The following POU6F2 variants were observed in gnomAD, a reference collection of about 807,000 sequenced individuals.
The protein encoded by POU6F2 is POU class 6 homeobox 2, also known as POU domain, class 6, transcription factor 2.
In POU6F2, 31 loss-of-function variants were observed where a neutral mutation model predicts 71.3. That is an observed-to-expected ratio of 0.43 (90% CI 0.33 to 0.59). POU6F2 has a LOEUF of 0.59. Among genes scored for constraint, POU6F2 ranks in the 20% least tolerant of loss-of-function variants. The pLI is 0.04. For missense variants in POU6F2, 783 were observed against 856.8 expected (o/e 0.91, Z 1.07); for synonymous variants, 347 against 355.7 (o/e 0.98, Z 0.27).
intron 1 of POU6F2, 171 bp from the exon 2 acceptor site, chr7:39,085,689 G>T: frequency 3.2e-6 from 2 of 623,744 alleles, no homozygotes; most frequent in South Asian, 1.9e-5. Flanking sequence ...CTCTTCACTT[G>T]ACTGCAGCCA....
chr7:39,316,656 T>A (rs1349678566), intron 4 of POU6F2, among the ~76,000 whole-genome samples: 1 of 152,186 alleles, frequency 6.6e-6, no homozygotes, highest in Non-Finnish European at 1.5e-5. Flanking sequence ...TAGCTCACAG[T>A]CCTCTGTGTA....
At chr7:39,000,143 A>C (rs1788859604) in intron 1 of POU6F2, among the ~76,000 whole-genome samples, 1 of 152,144 alleles carries the variant, frequency 6.6e-6, no homozygotes, top group Non-Finnish European at 1.5e-5. Flanking sequence ...AGGGTAACTC[A>C]AGTGGAGTTA....
intron 1 of POU6F2, among the ~76,000 whole-genome samples, chr7:38,990,534 GGA>G (rs1310127028): frequency 6.6e-6 from 1 of 152,078 alleles, no homozygotes; most frequent in Non-Finnish European, 1.5e-5. Context: ...CAGACCTCAT[GGA>G]TATATGGTTA....
chr7:39,276,734 G>T (rs1394813230), intron 4 of POU6F2, among the ~76,000 whole-genome samples: 1 of 151,902 alleles, frequency 6.6e-6, no homozygotes, highest in Non-Finnish European at 1.5e-5. Flanking sequence ...AAAAAATGAT[G>T]AGTTCATGTC....
intron 1 of POU6F2, among the ~76,000 whole-genome samples, chr7:38,981,585 G>A (rs1788317590): frequency 6.6e-6 from 1 of 152,176 alleles, no homozygotes; most frequent in South Asian, 2.1e-4. Context: ...AGAGTTTGCT[G>A]GGAGTGAGAG....
chr7:39,082,609 G>T (rs1791144291), intron 1 of POU6F2, among the ~76,000 whole-genome samples: 2 of 152,010 alleles, frequency 1.3e-5, no homozygotes. Flanking sequence ...ATGGCTCTTG[G>T]CAGAGAGAGA....
rs181496364 is a variant in POU6F2, at chr7:39,397,739, C to T, written c.973-8861C>T. ...AACTCCTGACCTCAGGTGATCCACCCGCCTGATCCACAAGCGTGAGCCACT... is the reference window on the plus strand; with the variant it reads ...AACTCCTGACCTCAGGTGATCCACCTGCCTGATCCACAAGCGTGAGCCACT... On this transcript the variant is annotated intron_variant, in intron 5 of 9. Transcript: ENST00000518318. Among the ~76,000 whole-genome samples, 1,046 of 148,968 alleles carry T rather than the reference C, an allele frequency of 7.0e-3. 5 individuals carry two copies. Among genetic ancestry groups the T allele is most frequent in the African/African-American group, 0.02 (822 of 40,622 alleles).
chr7:39,244,663 T>G (rs1783790827), intron 4 of POU6F2, among the ~76,000 whole-genome samples: 1 of 152,176 alleles, frequency 6.6e-6, no homozygotes, highest in Non-Finnish European at 1.5e-5. Context: ...ACAAGCAGTG[T>G]AATGTTAATA....
chr7:39,110,821 A>T (rs183336927), intron 2 of POU6F2, among the ~76,000 whole-genome samples: 6 of 152,334 alleles, frequency 3.9e-5, no homozygotes. Context: ...TGAAAATAGC[A>T]ATCAACATTC....
At chr7:39,066,768 G>T (rs7785889) in intron 1 of POU6F2, among the ~76,000 whole-genome samples, 35,545 of 149,970 alleles carry the variant, frequency 0.24, 5,139 homozygotes, top group East Asian at 0.73. Flanking sequence ...AAGTTCATCT[G>T]GGAAATAAAG....
chr7:39,414,666 G>T (rs1787632211), intron 6 of POU6F2, among the ~76,000 whole-genome samples: 1 of 152,148 alleles, frequency 6.6e-6, no homozygotes. Context: ...TAAGACTGCG[G>T]GTGCGGCCCC....
At chr7:39,123,026 T>C (rs1792076544) in intron 2 of POU6F2, among the ~76,000 whole-genome samples, 1 of 152,156 alleles carries the variant, frequency 6.6e-6, no homozygotes, top group Non-Finnish European at 1.5e-5. Context: ...AGTTACACAC[T>C]GTGTGGTTTG....
In POU6F2 at chr7:39,078,105, T is replaced by TGATG. The variant is rs1320623577; in HGVS notation, c.106-7754_106-7751dup. On this transcript the variant is annotated intron_variant, in intron 1 of 9. Coordinates refer to ENST00000518318, the MANE Select transcript of POU6F2 (RefSeq NM_001370959.1). Reference sequence around the variant, plus strand: ...TCCTCAAAGCCTTGCATTCTGGTTATGATGAAAACAAGCTCTCAGACCAAG... The same window carrying TGATG: ...TCCTCAAAGCCTTGCATTCTGGTTATGATGGATGAAAACAAGCTCTCAGACCAAG... Among the ~76,000 whole-genome samples the TGATG allele has an allele frequency of 2.0e-5, 3 of 152,364 alleles. No homozygotes were observed. The East Asian group carries it at 5.8e-4, about 29-fold the overall frequency.
intron 5 of POU6F2, among the ~76,000 whole-genome samples, chr7:39,399,186 T>C (rs1327712621): frequency 6.6e-6 from 1 of 152,216 alleles, no homozygotes; most frequent in East Asian, 1.9e-4. Flanking sequence ...TACTGCTTCC[T>C]GGCCAGCTTA....
chr7:38,988,806 C>T (rs1395262419), intron 1 of POU6F2, among the ~76,000 whole-genome samples: 1 of 152,108 alleles, frequency 6.6e-6, no homozygotes, highest in Non-Finnish European at 1.5e-5. Flanking sequence ...TGCTGGAGAC[C>T]AGGTATAAAT....
chr7:39,204,235 G>A lies in POU6F2; in HGVS notation c.278G>A (p.Gly93Glu), dbSNP rs1213018178. 6.2e-7 allele frequency: 1 copy of A among 1,612,964 alleles called. No homozygotes were observed. Among genetic ancestry groups the A allele is most frequent in the Admixed American group, 1.7e-5 (1 of 59,958 alleles). The change falls in exon 3 of 10, where the codon GGG (glycine) becomes GAG (glutamate). Residue 93 changes from glycine (G) to glutamate (E), a missense_variant and splice_region_variant. By Grantham distance (98) the Gly-to-Glu change is moderately conservative. Coordinates refer to ENST00000518318, the MANE Select transcript of POU6F2 (RefSeq NM_001370959.1). ...GGAGTATTTCTCTTTTGAATTCCAGGGGCTAGAGGAAACCCAGCATTATCA... is the reference window on the plus strand; with the variant it reads ...GGAGTATTTCTCTTTTGAATTCCAGAGGCTAGAGGAAACCCAGCATTATCA... ...DSEDTPSKLF[G>E]ARGNPALSDP...
chr7:39,110,047 G>T (rs1307187477), intron 2 of POU6F2, among the ~76,000 whole-genome samples: 2 of 152,120 alleles, frequency 1.3e-5, no homozygotes, highest in African/African-American at 4.8e-5. Context: ...GAGGAGGGCG[G>T]ATCACCTGAG....
intron 1 of POU6F2, among the ~76,000 whole-genome samples, chr7:39,067,012 CTTA>C (rs1790769494): frequency 6.8e-6 from 1 of 147,406 alleles, no homozygotes; most frequent in Middle Eastern, 4.0e-3. Flanking sequence ...TATTAATATA[CTTA>C]TTTATAAATC....
intron 5 of POU6F2, among the ~76,000 whole-genome samples, chr7:39,362,502 A>G (rs1786410709): frequency 6.6e-6 from 1 of 152,116 alleles, no homozygotes; most frequent in South Asian, 2.1e-4. Context: ...CCTCTAGGGA[A>G]CTTTTTTCAG....
Sources: allele counts gnomAD v4.1 joint callset (sites outside exome capture counted in the v4.1 genomes callset), GRCh38; gene constraint gnomAD v4.1.1; transcripts MANE v1.5; gene names NCBI Gene and HGNC (gene_info 2026-07-23, HGNC 2026-07-21).